GCNT1: variants seen among roughly 807,000 people sequenced by gnomAD.
GCNT1 encodes beta-1,3-galactosyl-O-glycosyl-glycoprotein beta-1,6-N-acetylglucosaminyltransferase.
Under a neutral mutation model 26.2 loss-of-function variants are expected in GCNT1, and 16 were observed. The observed-to-expected ratio is 0.61, with a 90% CI of 0.41 to 0.93. The LOEUF is 0.93. GCNT1 is among the 40% of genes least tolerant of loss of function. The pLI is 0.00. For missense variants in GCNT1, 477 were observed against 526.7 expected (o/e 0.91, Z 0.92); for synonymous variants, 183 against 190.8 (o/e 0.96, Z 0.34).
At chr9:76,466,140 G>A (rs750534174) in intron 2 of GCNT1, among the ~76,000 whole-genome samples, 1 of 152,116 alleles carries the variant, frequency 6.6e-6, no homozygotes, top group Non-Finnish European at 1.5e-5. Flanking sequence ...GGCTGGACCC[G>A]TAGAGTTTGA....
At position 76,491,691 on chromosome 9, in the gene GCNT1, A is replaced by T. The variant is rs568253208; in HGVS notation, c.-289-9225A>T. Among the ~76,000 whole-genome samples the T allele has an allele frequency of 2.0e-5, 3 of 152,292 alleles. 1 individual carries two copies. In the South Asian group the frequency reaches 6.2e-4, roughly 32 times the overall value. ...CATTGGTATATAGGTTAAGGTCAGG[A>T]TTAGCTAAGGGGACTTCTAAGAGAT... On this transcript the variant is annotated intron_variant, in intron 2 of 3. Transcript: ENST00000376730.
chr9:76,454,848 T>TTC (rs1823730765), upstream of GCNT1, among the ~76,000 whole-genome samples: 2 of 139,398 alleles, frequency 1.4e-5, no homozygotes, highest in African/African-American at 2.6e-5. Flanking sequence ...TTTTCTTTTT[T>TTC]TTTTTTTTTT....
chr9:76,416,493 G>T (rs1485096088), upstream of GCNT1, among the ~76,000 whole-genome samples: 7 of 152,162 alleles, frequency 4.6e-5, no homozygotes, highest in African/African-American at 1.7e-4. Flanking sequence ...AGCATTAATT[G>T]TAACACACCC....
rs1407717781 is a variant in GCNT1, at chr9:76,507,383, A to T, written c.*3715A>T. 1 of 166,856 alleles carries T rather than the reference A, an allele frequency of 6.0e-6. No individual in the cohort carries two copies. The highest frequency in any genetic ancestry group is 1.9e-4 in the East Asian group (1 of 5,202). 10.3% of individuals were successfully genotyped at this position (166,856 alleles called of 1,614,324 possible). Reference sequence around the variant, plus strand: ...GACAGAATGCAGTTAGAATCAGTTCATATCACCATTAAAATCATCCATTCA... The same window carrying T: ...GACAGAATGCAGTTAGAATCAGTTCTTATCACCATTAAAATCATCCATTCA... On this transcript the variant is annotated 3_prime_UTR_variant, in exon 4 of 4. Transcript: ENST00000376730.
rs186002319 is a variant in GCNT1, at chr9:76,428,135, G to T, written n.38+8248G>T. Among the ~76,000 whole-genome samples the T allele has an allele frequency of 2.6e-3, 399 of 151,228 alleles. 1 individual carries two copies. The highest frequency in any genetic ancestry group is 9.3e-3 in the African/African-American group (384 of 41,274). On this transcript the variant is annotated intron_variant and non_coding_transcript_variant, in intron 1 of 3. Transcript: ENST00000488136. The stretch of plus-strand genomic sequence containing the variant: ...CAAAAAATTAGCCGCGCGTGGTGGC[G>T]GGCGCCTGTAGTCCCAGCTACTCAG...
intron 2 of GCNT1, among the ~76,000 whole-genome samples, chr9:76,464,145 C>T (rs1823944951): frequency 6.7e-6 from 1 of 150,374 alleles, no homozygotes; most frequent in Non-Finnish European, 1.5e-5. Context: ...GAGTTGAGAT[C>T]AAGAGTAAAA....
intron 2 of GCNT1, among the ~76,000 whole-genome samples, chr9:76,466,001 T>C (rs1348011762): frequency 6.6e-6 from 1 of 152,134 alleles, no homozygotes; most frequent in African/African-American, 2.4e-5. Context: ...CAAGTAAAGA[T>C]GAGGAGTAGA....
chr9:76,394,319 C>G, the GCNT1 span: 1 of 674,880 alleles, frequency 1.5e-6, no homozygotes, highest in East Asian at 3.3e-5. Context: ...CGGACGACGC[C>G]GACCACAGGC....
chr9:76,479,254 C>T (rs1457731434), intron 2 of GCNT1, among the ~76,000 whole-genome samples: 2 of 152,174 alleles, frequency 1.3e-5, no homozygotes. Context: ...TCCAGTCTAT[C>T]ATTGTTGGAC....
intron 2 of GCNT1, among the ~76,000 whole-genome samples, chr9:76,493,121 A>C (rs1824794260): frequency 6.6e-6 from 1 of 152,134 alleles, no homozygotes. Context: ...GTTATGGTGG[A>C]CATCATTGAA....
the GCNT1 span, among the ~76,000 whole-genome samples, chr9:76,402,297 C>T: frequency 5.3e-5 from 8 of 152,098 alleles, no homozygotes; most frequent in Non-Finnish European, 1.0e-4. Flanking sequence ...CAACTACATC[C>T]GAATTTGCTT....
chr9:76,418,490 G>T (rs928860822), upstream of GCNT1, among the ~76,000 whole-genome samples: 1 of 152,120 alleles, frequency 6.6e-6, no homozygotes, highest in South Asian at 2.1e-4. Context: ...GAGAGGAGGG[G>T]GTCTATTCAG....
chr9:76,394,027 C>T, the GCNT1 span: 3 of 1,488,420 alleles, frequency 2.0e-6, no homozygotes, highest in Non-Finnish European at 2.7e-6. Context: ...AAGTCCCCGG[C>T]TGCCGTCTCT....
chr9:76,410,764 G>A, the GCNT1 span, among the ~76,000 whole-genome samples: 1 of 152,198 alleles, frequency 6.6e-6, no homozygotes, highest in African/African-American at 2.4e-5. Context: ...TGATGGTGCT[G>A]TTGAGTTCTG....
At chr9:76,398,918 G>T in the GCNT1 span, 1 of 1,541,824 alleles carries the variant, frequency 6.5e-7, no homozygotes, top group Non-Finnish European at 8.9e-7. Context: ...CCCTGCTGAT[G>T]TCAGTGTTAT....
intron 1 of GCNT1, among the ~76,000 whole-genome samples, chr9:76,425,143 A>T (rs1345870519): frequency 6.6e-6 from 1 of 150,500 alleles, no homozygotes; most frequent in East Asian, 1.9e-4. Flanking sequence ...CGTCTAAAAA[A>T]AAAAAAAAAA....
At chr9:76,395,102 G>A in the GCNT1 span, among the ~76,000 whole-genome samples, 2 of 152,090 alleles carry the variant, frequency 1.3e-5, no homozygotes, top group African/African-American at 4.8e-5. Flanking sequence ...AATTTCACAA[G>A]CCCGATAACA....
At chr9:76,453,424 T>G (rs998446526) in intron 1 of GCNT1, among the ~76,000 whole-genome samples, 3 of 152,214 alleles carry the variant, frequency 2.0e-5, no homozygotes, top group African/African-American at 7.2e-5. Context: ...AGATCTCATG[T>G]TTCCCAAAGA....
chr9:76,483,526 C>A (rs1403493681), intron 2 of GCNT1, among the ~76,000 whole-genome samples: 1 of 152,034 alleles, frequency 6.6e-6, no homozygotes, highest in Non-Finnish European at 1.5e-5. Context: ...GTGATCCTCC[C>A]ATCTCAGCCT....
Sources: allele counts gnomAD v4.1 joint callset (sites outside exome capture counted in the v4.1 genomes callset), GRCh38; gene constraint gnomAD v4.1.1; transcripts MANE v1.5; gene names NCBI Gene and HGNC (gene_info 2026-07-23, HGNC 2026-07-21).